The following TP63 variants were observed in gnomAD, a reference collection of about 807,000 sequenced individuals.
TP63 encodes tumor protein 63.
In TP63, 17 loss-of-function variants were observed where a neutral mutation model predicts 82.8. The ratio of observed to expected loss-of-function variants is 0.21; its 90% confidence interval spans 0.14 to 0.31. The LOEUF (loss-of-function observed/expected upper bound fraction) is 0.31. Among genes scored for constraint, TP63 ranks in the 10% least tolerant of loss-of-function variants. The pLI is 1.00. For synonymous variants in TP63, 330 were observed against 321.7 expected (o/e 1.03, Z -0.28); for missense variants, 648 against 895.3 (o/e 0.72, Z 3.52).
chr3:189,657,991 A>G (rs563956758), intron 1 of TP63, among the ~76,000 whole-genome samples: 1 of 152,162 alleles, frequency 6.6e-6, no homozygotes, highest in African/African-American at 2.4e-5. Context: ...TGTTCCTACT[A>G]CCAGAGCTTC....
At chr3:189,696,605 C>G (rs1324811421) in intron 1 of TP63, among the ~76,000 whole-genome samples, 1 of 152,096 alleles carries the variant, frequency 6.6e-6, no homozygotes, top group Non-Finnish European at 1.5e-5. Flanking sequence ...GCATTTTTGG[C>G]TCTGTAAGAA....
Position 189,631,477 on chromosome 3 carries a change from T to C in TP63, c.-39T>C, listed in dbSNP as rs549909175. 2 of 1,611,834 alleles carry C rather than the reference T, an allele frequency of 1.2e-6. No individual in the cohort carries two copies. Among genetic ancestry groups the C allele is most frequent in the African/African-American group, 1.3e-5 (1 of 74,946 alleles). Reference sequence around the variant, plus strand: ...AGGTATATGTGTATATTTTATATAATTGTTCTCCGTTCGTTGATATCAAAG... The same window carrying C: ...AGGTATATGTGTATATTTTATATAACTGTTCTCCGTTCGTTGATATCAAAG... On this transcript the variant is annotated 5_prime_UTR_variant, in exon 1 of 14. Transcript: ENST00000264731.
At chr3:189,816,195 A>G (rs1285599320) in intron 4 of TP63, among the ~76,000 whole-genome samples, 3 of 152,128 alleles carry the variant, frequency 2.0e-5, no homozygotes, top group Admixed American at 2.0e-4. Context: ...AACAAAAATC[A>G]TCTGATAATT....
chr3:189,758,560 C>T (rs998340487), intron 3 of TP63, among the ~76,000 whole-genome samples: 5 of 152,226 alleles, frequency 3.3e-5, no homozygotes, highest in African/African-American at 4.8e-5. Flanking sequence ...TTTCAAGTCA[C>T]CTGCTTGGCT....
chr3:189,778,159 G>A (rs188871498), intron 3 of TP63, among the ~76,000 whole-genome samples: 2 of 152,250 alleles, frequency 1.3e-5, no homozygotes, highest in Admixed American at 1.3e-4. Flanking sequence ...GAGCCACTGC[G>A]CCTGGCCGAG....
At chr3:189,802,241 G>A (rs1470577847) in intron 3 of TP63, among the ~76,000 whole-genome samples, 1 of 152,146 alleles carries the variant, frequency 6.6e-6, no homozygotes. Flanking sequence ...TAAAGCCAGG[G>A]TCATCAAGTA....
chr3:189,645,337 C>T (rs1712316827), intron 1 of TP63: 1 of 522,882 alleles, frequency 1.9e-6, no homozygotes, highest in African/African-American at 1.9e-5. Flanking sequence ...TCAGATCTTT[C>T]TTGAAGTCTA....
At chr3:189,877,046 C>G (rs1719309702) in intron 10 of TP63, among the ~76,000 whole-genome samples, 1 of 152,108 alleles carries the variant, frequency 6.6e-6, no homozygotes, top group Non-Finnish European at 1.5e-5. Flanking sequence ...GTGTTTTCTT[C>G]TGCCTGCTTT....
At chr3:189,822,138 T>C (rs1259640193) in intron 4 of TP63, among the ~76,000 whole-genome samples, 1 of 152,210 alleles carries the variant, frequency 6.6e-6, no homozygotes, top group Non-Finnish European at 1.5e-5. Context: ...GGTAACGATG[T>C]TATTGGTAGG....
chr3:189,664,921 C>T (rs1028960183), intron 1 of TP63, among the ~76,000 whole-genome samples: 2 of 152,076 alleles, frequency 1.3e-5, no homozygotes, highest in African/African-American at 4.8e-5. Flanking sequence ...CTTGTACCTG[C>T]TCATACCATC....
At chr3:189,839,621 A>G (rs1441092638) in intron 4 of TP63, among the ~76,000 whole-genome samples, 2 of 152,234 alleles carry the variant, frequency 1.3e-5, no homozygotes, top group Non-Finnish European at 2.9e-5. Flanking sequence ...AAGTTTGTTT[A>G]GGAAATTCCT....
At chr3:189,786,818 A>G (rs1235211917) in intron 3 of TP63, among the ~76,000 whole-genome samples, 1 of 152,042 alleles carries the variant, frequency 6.6e-6, no homozygotes, top group Non-Finnish European at 1.5e-5. Flanking sequence ...TTCTTTATTT[A>G]TCTGAAAAAT....
At chr3:189,845,382 C>T (rs1237984790) in intron 4 of TP63, among the ~76,000 whole-genome samples, 5 of 151,936 alleles carry the variant, frequency 3.3e-5, no homozygotes, top group Non-Finnish European at 7.4e-5. Flanking sequence ...AGGAGATCTT[C>T]GAGTAATTGT....
At chr3:189,658,960 G>T (rs1713635396) in intron 1 of TP63, among the ~76,000 whole-genome samples, 1 of 151,896 alleles carries the variant, frequency 6.6e-6, no homozygotes, top group African/African-American at 2.4e-5. Context: ...TTAATAATAG[G>T]GAAACTGAGT....
At chr3:189,879,514 G>T (rs1185391095) in intron 10 of TP63, among the ~76,000 whole-genome samples, 1 of 152,140 alleles carries the variant, frequency 6.6e-6, no homozygotes, top group African/African-American at 2.4e-5. Context: ...GATGCCACAG[G>T]CCCCATTCTG....
intron 4 of TP63, among the ~76,000 whole-genome samples, chr3:189,830,528 C>A (rs1419046129): frequency 1.3e-5 from 2 of 152,176 alleles, no homozygotes; most frequent in Admixed American, 6.5e-5. Flanking sequence ...GAGTTTTCAT[C>A]ACAAACCACA....
the TP63 span, among the ~76,000 whole-genome samples, chr3:189,601,663 C>G: frequency 6.6e-6 from 1 of 152,096 alleles, no homozygotes; most frequent in Non-Finnish European, 1.5e-5. Context: ...TACTCATATT[C>G]ACATTATTCA....
chr3:189,721,695 C>T (rs1024496361), intron 1 of TP63, among the ~76,000 whole-genome samples: 3 of 152,092 alleles, frequency 2.0e-5, no homozygotes, highest in East Asian at 1.9e-4. Context: ...CCTCCCTGGG[C>T]GTAAGGAGTA....
chr3:189,844,425 A>G (rs1287066525), intron 4 of TP63: 1 of 326,950 alleles, frequency 3.1e-6, no homozygotes, highest in Non-Finnish European at 6.2e-6. Context: ...AGGTGGGATT[A>G]CAGACATGTG....
Sources: allele counts gnomAD v4.1 joint callset (sites outside exome capture counted in the v4.1 genomes callset), GRCh38; gene constraint gnomAD v4.1.1; transcripts MANE v1.5; gene names NCBI Gene and HGNC (gene_info 2026-07-23, HGNC 2026-07-21).